The following GRB14 variants were observed in gnomAD, a reference collection of about 807,000 sequenced individuals.
The protein encoded by GRB14 is growth factor receptor-bound protein 14.
A neutral mutation model predicts 69.1 loss-of-function variants in GRB14; 38 were observed. The ratio of observed to expected loss-of-function variants is 0.55; its 90% confidence interval spans 0.42 to 0.72. The LOEUF (loss-of-function observed/expected upper bound fraction) is 0.72, where lower values mean the gene tolerates loss of function less well. Ranked by LOEUF, GRB14 falls within the 30% of genes least tolerant of loss-of-function variation. The pLI, the probability that GRB14 is intolerant of heterozygous loss-of-function variation, is 0.00. For missense variants in GRB14, 666 were observed against 666.1 expected (o/e 1.00, Z 0.00); for synonymous variants, 247 against 241.3 (o/e 1.02, Z -0.22).
At chr2:164,504,209 C>T (rs763362733) in intron 8 of GRB14, among the ~76,000 whole-genome samples, 1 of 151,714 alleles carries the variant, frequency 6.6e-6, no homozygotes, top group African/African-American at 2.4e-5. Context: ...AAGAATAAAA[C>T]AAGTGGCCAA....
chr2:164,588,935 A>T (rs2105344253), intron 2 of GRB14, among the ~76,000 whole-genome samples: 1 of 152,298 alleles, frequency 6.6e-6, no homozygotes, highest in South Asian at 2.1e-4. Flanking sequence ...CCTCCAAGAC[A>T]CCTTTATTAA....
intron 2 of GRB14, among the ~76,000 whole-genome samples, chr2:164,564,554 A>G (rs1282754388): frequency 1.3e-5 from 2 of 152,180 alleles, no homozygotes; most frequent in East Asian, 3.8e-4. Context: ...ACACTCATGA[A>G]TTTACAATTT....
At chr2:164,521,226 G>A (rs1420481247) in intron 6 of GRB14, among the ~76,000 whole-genome samples, 2 of 152,086 alleles carry the variant, frequency 1.3e-5, no homozygotes, top group Admixed American at 6.6e-5. Context: ...CTGCCTGGAT[G>A]GAACTGGAGA....
chr2:164,508,652 G>T, intron 7 of GRB14, 90 bp downstream of exon 7: 1 of 1,415,880 alleles, frequency 7.1e-7, no homozygotes, highest in Non-Finnish European at 9.8e-7. Flanking sequence ...AGAGAAAGCT[G>T]TCTCTTTTCA....
In GRB14 at chr2:164,621,320, C is replaced by CG; in HGVS notation, c.-12dup. 7.8e-7 allele frequency: 1 copy of CG among 1,282,130 alleles called. No individual in the cohort carries two copies. Among genetic ancestry groups the CG allele is most frequent in the Non-Finnish European group, 9.9e-7 (1 of 1,014,560 alleles). The allele number at this position is 1,282,130 out of a possible 1,614,324, so 79.4% of individuals were successfully genotyped here. A position where few individuals can be genotyped will look rare whatever the true frequency, so the allele number is the denominator to read the frequency against. Reference sequence around the variant, plus strand: ...CAGGGAAGTGGTCATTGTCGCCGGCCGGGGGGCTCGGGCGTCATGGGAGAC... The same window carrying CG: ...CAGGGAAGTGGTCATTGTCGCCGGCCGGGGGGGCTCGGGCGTCATGGGAGAC... On this transcript the variant is annotated 5_prime_UTR_variant, in exon 1 of 14. Coordinates refer to ENST00000263915, the MANE Select transcript of GRB14 (RefSeq NM_004490.3). This position sits in a 1 kb window ranked among gnomAD's most constrained non-coding sequence, Gnocchi z 6.0.
At chr2:164,588,868 A>C (rs1326180772) in intron 2 of GRB14, among the ~76,000 whole-genome samples, 1 of 152,204 alleles carries the variant, frequency 6.6e-6, no homozygotes, top group Non-Finnish European at 1.5e-5. Context: ...AATAGTTTTA[A>C]ATACTCAGCT....
At chr2:164,513,234 C>T (rs1687385284) in intron 6 of GRB14, among the ~76,000 whole-genome samples, 1 of 152,138 alleles carries the variant, frequency 6.6e-6, no homozygotes, top group African/African-American at 2.4e-5. Flanking sequence ...TCTCAAGATA[C>T]TCTTTTGGTA....
rs1019477475 is a variant in GRB14 at position 164,549,795 on chromosome 2, C to G, written c.325-1979G>C. On this transcript the variant is annotated intron_variant, in intron 2 of 13. Transcript: ENST00000263915. ...ACAAGAATCACTTGAACCTGGGAGG[C>G]GGAGGTTGCAGTGAGCCAGGATCGT... Among the ~76,000 whole-genome samples the G allele has an allele frequency of 2.0e-5, 3 of 151,296 alleles. No homozygotes were observed. In the South Asian group the frequency reaches 6.3e-4, roughly 32 times the overall value.
chr2:164,564,822 TG>T (rs1688929587), intron 2 of GRB14, among the ~76,000 whole-genome samples: 1 of 152,140 alleles, frequency 6.6e-6, no homozygotes, highest in African/African-American at 2.4e-5. Context: ...GAGACCATCA[TG>T]GCTAACATGG....
intron 6 of GRB14, among the ~76,000 whole-genome samples, chr2:164,515,352 T>C (rs1319660862): frequency 6.6e-6 from 1 of 152,204 alleles, no homozygotes; most frequent in East Asian, 1.9e-4. Flanking sequence ...CTGGTATCCA[T>C]GGCTGAGAGA....
intron 2 of GRB14, among the ~76,000 whole-genome samples, chr2:164,600,964 C>T (rs2105352180): frequency 6.6e-6 from 1 of 152,086 alleles, no homozygotes; most frequent in South Asian, 2.1e-4. Context: ...TGCAAGTGAC[C>T]TGGGTTCTTT....
chr2:164,519,837 C>T (rs1687591464), intron 6 of GRB14, among the ~76,000 whole-genome samples: 1 of 151,910 alleles, frequency 6.6e-6, no homozygotes, highest in Admixed American at 6.6e-5. Flanking sequence ...AGGAAAACTA[C>T]AAAACATTGC....
intron 9 of GRB14, among the ~76,000 whole-genome samples, chr2:164,501,611 T>C (rs1016662546): frequency 6.6e-6 from 1 of 152,104 alleles, no homozygotes; most frequent in African/African-American, 2.4e-5. Flanking sequence ...CAAATAAATA[T>C]CCAAGTTACA....
At chr2:164,567,515 T>C (rs928459422) in intron 2 of GRB14, among the ~76,000 whole-genome samples, 12 of 152,252 alleles carry the variant, frequency 7.9e-5, no homozygotes, top group Admixed American at 5.2e-4. Context: ...TTGGTAAGCA[T>C]ATTGCCAAAA....
In GRB14 at chr2:164,504,059, T is replaced by A. The variant is rs564246730; in HGVS notation, c.1024-1724A>T. 1.7e-4 allele frequency among the ~76,000 whole-genome samples: 26 copies of A among 152,270 alleles called. No homozygotes were observed. In the South Asian group the frequency reaches 5.4e-3, roughly 32 times the overall value. On this transcript the variant is annotated intron_variant, in intron 8 of 13. Transcript: ENST00000263915. ...AAGAGACAACATGTAACTAGGACAT[T>A]ACATGTGAGAAAATCTCCCATTTTC...
At chr2:164,538,380 T>C (rs183059773) in intron 3 of GRB14, among the ~76,000 whole-genome samples, 2 of 152,192 alleles carry the variant, frequency 1.3e-5, no homozygotes, top group Admixed American at 1.3e-4. Flanking sequence ...AAGCTAAAGT[T>C]TTTCCCCCAC....
At chr2:164,575,302 A>T (rs1689226840) in intron 2 of GRB14, among the ~76,000 whole-genome samples, 1 of 152,190 alleles carries the variant, frequency 6.6e-6, no homozygotes, top group East Asian at 1.9e-4. Flanking sequence ...TTTTCATAGG[A>T]TCTTCTTGAG....
chr2:164,492,538 C>T lies in GRB14; in HGVS notation c.*498G>A, dbSNP rs2167510. ...TTTCATTTTAAGATGATCATAAACCCGGAAAATATATAATTCAAAATAGTT... is the reference window on the plus strand; with the variant it reads ...TTTCATTTTAAGATGATCATAAACCTGGAAAATATATAATTCAAAATAGTT... On this transcript the variant is annotated 3_prime_UTR_variant, in exon 14 of 14. Coordinates refer to ENST00000263915, the MANE Select transcript of GRB14 (RefSeq NM_004490.3). 0.57 allele frequency among the ~76,000 whole-genome samples: 86,389 copies of T among 151,516 alleles called. 25,697 individuals are homozygous for T. Among genetic ancestry groups the T allele is most frequent in the Non-Finnish European group, 0.66 (44,523 of 67,796 alleles).
At chr2:164,606,133 G>T (rs1574351750) in intron 2 of GRB14, among the ~76,000 whole-genome samples, 1 of 151,944 alleles carries the variant, frequency 6.6e-6, no homozygotes, top group Non-Finnish European at 1.5e-5. Context: ...TTCCAAAAAG[G>T]TGTTCCATGT....
Sources: allele counts gnomAD v4.1 joint callset (sites outside exome capture counted in the v4.1 genomes callset), GRCh38; gene constraint gnomAD v4.1.1; non-coding constraint Gnocchi (gnomAD v3.1); transcripts MANE v1.5; gene names NCBI Gene and HGNC (gene_info 2026-07-23, HGNC 2026-07-21).